WASF1: variants seen among roughly 807,000 people sequenced by gnomAD.
WASF1 encodes the protein WASP family member 1, also known as actin-binding protein WASF1.
In WASF1, 7 loss-of-function variants were observed where a neutral mutation model predicts 50.5. That is an observed-to-expected ratio of 0.14 (90% CI 0.08 to 0.26). The LOEUF is 0.26. WASF1 is among the 10% of genes least tolerant of loss of function. The probability of loss-of-function intolerance (pLI) is 1.00; values close to 1 mark genes in which losing one functional copy is unlikely to be tolerated. For missense variants in WASF1, 470 were observed against 694.7 expected (o/e 0.68, Z 3.64); for synonymous variants, 205 against 244.0 (o/e 0.84, Z 1.49).
chr6:110,119,245 C>T (rs1288841088), intron 4 of WASF1, among the ~76,000 whole-genome samples: 1 of 152,066 alleles, frequency 6.6e-6, no homozygotes, highest in Non-Finnish European at 1.5e-5. Context: ...ATCAGTGAAA[C>T]CAGGAGCTGT....
chr6:110,160,369 T>A (rs745613315), intron 3 of WASF1, among the ~76,000 whole-genome samples: 1 of 151,734 alleles, frequency 6.6e-6, no homozygotes, highest in Non-Finnish European at 1.5e-5. Context: ...AGAAGAAAAA[T>A]CATTAGATAC....
At chr6:110,102,242 A>T in intron 9 of WASF1, 26 bp from the exon 10 acceptor site, 1 of 1,363,562 alleles carries the variant, frequency 7.3e-7, no homozygotes, top group South Asian at 2.5e-5. Flanking sequence ...GATTCTAGCA[A>T]GTTATTAAAA....
At chr6:110,105,305 G>T in intron 8 of WASF1, 102 bp downstream of exon 8, 2 of 1,165,286 alleles carry the variant, frequency 1.7e-6, no homozygotes, top group Non-Finnish European at 2.3e-6. Flanking sequence ...TTATAACAGG[G>T]TCTGCCTGTT....
intron 3 of WASF1, among the ~76,000 whole-genome samples, chr6:110,140,958 G>C (rs1009261884): frequency 1.3e-5 from 2 of 152,140 alleles, no homozygotes; most frequent in Non-Finnish European, 2.9e-5. Context: ...TAGACAAAAG[G>C]ATGAATCACA....
chr6:110,173,090 AAAC>A (rs1467593851), intron 2 of WASF1, among the ~76,000 whole-genome samples: 1 of 152,156 alleles, frequency 6.6e-6, no homozygotes, highest in Non-Finnish European at 1.5e-5. Flanking sequence ...GTCCCTATTA[AAAC>A]AACTAGAAAA....
intron 3 of WASF1, among the ~76,000 whole-genome samples, chr6:110,148,260 C>T (rs578209607): frequency 5.9e-5 from 9 of 152,002 alleles, no homozygotes; most frequent in African/African-American, 2.2e-4. Context: ...TCTAACCAAC[C>T]ATTTACTGAA....
intron 3 of WASF1, among the ~76,000 whole-genome samples, chr6:110,130,792 A>C (rs1774629734): frequency 6.6e-6 from 1 of 152,230 alleles, no homozygotes. Context: ...ACTGTTCCAG[A>C]GACTGTACCA....
chr6:110,128,469 CA>C (rs1478709672), intron 3 of WASF1, among the ~76,000 whole-genome samples: 1 of 152,134 alleles, frequency 6.6e-6, no homozygotes, highest in Non-Finnish European at 1.5e-5. Flanking sequence ...TCAAATACTC[CA>C]AGTAGCCCTG....
At chr6:110,145,468 T>C (rs964541762) in intron 3 of WASF1, among the ~76,000 whole-genome samples, 38 of 152,322 alleles carry the variant, frequency 2.5e-4, no homozygotes, top group Non-Finnish European at 3.5e-4. Flanking sequence ...TCCTGCCTGA[T>C]TGCCCTGGCC....
intron 3 of WASF1, among the ~76,000 whole-genome samples, chr6:110,160,373 T>C (rs532308767): frequency 1.3e-5 from 2 of 151,962 alleles, no homozygotes; most frequent in East Asian, 1.9e-4. Context: ...GAAAAATCAT[T>C]AGATACAGAA....
intron 2 of WASF1, among the ~76,000 whole-genome samples, chr6:110,167,159 A>G (rs560966749): frequency 6.1e-5 from 6 of 98,266 alleles, no homozygotes; most frequent in Middle Eastern, 4.4e-3. Flanking sequence ...GTGATACTGG[A>G]AAAAAAAACC....
chr6:110,138,000 C>T (rs941112513), intron 3 of WASF1, among the ~76,000 whole-genome samples: 4 of 152,228 alleles, frequency 2.6e-5, no homozygotes, highest in South Asian at 2.1e-4. Context: ...GGCCACTGGG[C>T]TTGTTCCGCT....
rs1773423750 is a variant in WASF1, at chr6:110,108,511, T to G, written c.422+17A>C. On this transcript the variant is annotated intron_variant, in intron 6 of 10. Transcript: ENST00000392589. ...TCTGAGATAAATAATAGGGCTACTA[T>G]TTATTAACCTACCTACCTATAAGGA... is the stretch of plus-strand genomic sequence containing the variant. 1 of 1,592,660 alleles carries G rather than the reference T, an allele frequency of 6.3e-7. No individual in the cohort carries two copies. Among genetic ancestry groups the G allele is most frequent in the Admixed American group, 1.8e-5 (1 of 56,610 alleles).
intron 4 of WASF1, among the ~76,000 whole-genome samples, chr6:110,123,195 T>C (rs1342714794): frequency 6.6e-6 from 1 of 152,170 alleles, no homozygotes; most frequent in Non-Finnish European, 1.5e-5. Context: ...TCAGCATTTA[T>C]ATTAGCTAGA....
Position 110,178,737 on chromosome 6 carries a change from G to C in WASF1, c.-266C>G, listed in dbSNP as rs918536877. The C allele has an allele frequency of 6.5e-6, 1 of 152,848 alleles. No individual in the cohort carries two copies. Among genetic ancestry groups the C allele is most frequent in the Admixed American group, 6.5e-5 (1 of 15,284 alleles). 9.5% of individuals were successfully genotyped at this position (152,848 alleles called of 1,614,324 possible). A position where few individuals can be genotyped will look rare whatever the true frequency, so the allele number is the denominator to read the frequency against. On this transcript the variant is annotated 5_prime_UTR_variant, in exon 2 of 11. Transcript: ENST00000392589. ...AGGTGTCAGAGTACCGAAGCTAGGG[G>C]GCATGCTGTAGCAAGGGGAAAAGAA...
At chr6:110,128,338 T>C (rs1320478647) in intron 3 of WASF1, among the ~76,000 whole-genome samples, 1 of 152,204 alleles carries the variant, frequency 6.6e-6, no homozygotes. Flanking sequence ...AGGGATTTTG[T>C]TCTAGAGAGT....
intron 3 of WASF1, among the ~76,000 whole-genome samples, chr6:110,129,619 A>G (rs776399078): frequency 3.5e-4 from 52 of 148,524 alleles, no homozygotes; most frequent in Non-Finnish European, 6.9e-4. Flanking sequence ...ATCCTAATTT[A>G]AAAGAAAGGA....
In WASF1 at chr6:110,100,020, A is replaced by G. The variant is rs897840476; in HGVS notation, c.*502T>C. 6.6e-6 allele frequency: 1 copy of G among 152,380 alleles called. No individual in the cohort carries two copies. The highest frequency in any genetic ancestry group is 1.5e-5 in the Non-Finnish European group (1 of 68,112). 9.4% of individuals were successfully genotyped at this position (152,380 alleles called of 1,614,324 possible). On this transcript the variant is annotated 3_prime_UTR_variant, in exon 11 of 11. Transcript: ENST00000392589. ...GGCAAGTATATAAAAACAATAAAACAATAATGAAAAAATTCAAGCATTCCT... is the reference window on the plus strand; with the variant it reads ...GGCAAGTATATAAAAACAATAAAACGATAATGAAAAAATTCAAGCATTCCT...
intron 3 of WASF1, among the ~76,000 whole-genome samples, chr6:110,149,713 T>C (rs71562217): frequency 6.6e-6 from 1 of 152,106 alleles, no homozygotes. Flanking sequence ...TGTATTTTTG[T>C]CAGTATACAT....
Sources: gnomAD v4.1 joint callset for allele counts (sites outside exome capture counted in the v4.1 genomes callset) on GRCh38, gnomAD v4.1.1 for gene constraint, MANE v1.5 for transcripts, NCBI Gene and HGNC (gene_info 2026-07-23, HGNC 2026-07-21) for gene names.